The following KALRN variants were observed in gnomAD, a reference collection of about 807,000 sequenced individuals.
The protein encoded by KALRN is kalirin RhoGEF kinase.
Under a neutral mutation model 353.7 loss-of-function variants are expected in KALRN, and 70 were observed. That is an observed-to-expected ratio of 0.20 (90% CI 0.16 to 0.24). The LOEUF is 0.24. Ranked by LOEUF, KALRN falls within the 10% of genes least tolerant of loss-of-function variation. KALRN has a pLI of 1.00. For missense variants in KALRN, 2,791 were observed against 3,756.7 expected (o/e 0.74, Z 6.72); for synonymous variants, 1,391 against 1,434.8 (o/e 0.97, Z 0.69).
intron 49 of KALRN, 148 bp downstream of exon 49, chr3:124,674,762 G>T: frequency 1.2e-6 from 1 of 862,986 alleles, no homozygotes; most frequent in South Asian, 2.2e-5. Flanking sequence ...TTTGAGTGCT[G>T]ACACCATATG....
intron 1 of KALRN, among the ~76,000 whole-genome samples, chr3:124,066,678 C>T (rs1014864856): frequency 6.6e-6 from 1 of 152,174 alleles, no homozygotes; most frequent in East Asian, 1.9e-4. Flanking sequence ...TTATCTCCTG[C>T]CACAGCTTTT....
At chr3:124,363,656 C>T (rs2084313654) in intron 10 of KALRN, among the ~76,000 whole-genome samples, 1 of 152,160 alleles carries the variant, frequency 6.6e-6, no homozygotes, top group African/African-American at 2.4e-5. Context: ...TTGCCCCATC[C>T]CAGGAGTTTC....
At chr3:124,036,780 C>G (rs1272938904) in intron 1 of KALRN, among the ~76,000 whole-genome samples, 1 of 152,250 alleles carries the variant, frequency 6.6e-6, no homozygotes, top group African/African-American at 2.4e-5. Context: ...TGTCAAAATT[C>G]TGGCATACTG....
At chr3:124,664,227 A>T (rs746599293) in intron 45 of KALRN, among the ~76,000 whole-genome samples, 2 of 151,990 alleles carry the variant, frequency 1.3e-5, no homozygotes, top group South Asian at 4.1e-4. Flanking sequence ...CAGGAGTCTA[A>T]CTGTGCTTCT....
intron 33 of KALRN, among the ~76,000 whole-genome samples, chr3:124,497,077 G>T (rs917911662): frequency 2.6e-5 from 4 of 152,210 alleles, no homozygotes; most frequent in African/African-American, 9.7e-5. Flanking sequence ...GCAAAAGTTA[G>T]TAGCTCTGAT....
At chr3:124,495,955 G>GTATATATATATATA (rs1448727495) in intron 32 of KALRN, among the ~76,000 whole-genome samples, 4 of 27,460 alleles carry the variant, frequency 1.5e-4, no homozygotes, top group Non-Finnish European at 2.5e-4. Context: ...GTGTGTGTAT[G>GTATATATATATATA]TGTATGTATG....
At chr3:124,202,397 C>T (rs377259334) in intron 1 of KALRN, among the ~76,000 whole-genome samples, 42 of 152,176 alleles carry the variant, frequency 2.8e-4, no homozygotes, top group Non-Finnish European at 4.9e-4. Context: ...ACTATAGGTG[C>T]GTGCCACCAT....
intron 33 of KALRN, among the ~76,000 whole-genome samples, chr3:124,509,724 G>GA (rs34191627): frequency 6.6e-6 from 1 of 152,126 alleles, no homozygotes; most frequent in African/African-American, 2.4e-5. Context: ...AAATATGCTA[G>GA]AAAAAAGGTA....
intron 1 of KALRN, chr3:124,096,458 G>A (rs1372316879): frequency 6.6e-6 from 1 of 152,150 alleles, no homozygotes; most frequent in Non-Finnish European, 1.5e-5. Flanking sequence ...AATTAAGAAT[G>A]GTTAGAGGCT....
intron 30 of KALRN, 96 bp from the exon 31 acceptor site, chr3:124,491,227 C>A: frequency 1.4e-6 from 1 of 739,800 alleles, no homozygotes; most frequent in Non-Finnish European, 2.2e-6. Flanking sequence ...CTCCCTCGGT[C>A]CTCTCCTCTT....
chr3:124,448,325 A>G (rs1056630054), intron 21 of KALRN, among the ~76,000 whole-genome samples: 1 of 151,540 alleles, frequency 6.6e-6, no homozygotes, highest in African/African-American at 2.4e-5. Flanking sequence ...CTTTATTGCT[A>G]TTCATCTTTA....
intron 29 of KALRN, among the ~76,000 whole-genome samples, chr3:124,489,562 AC>A (rs2062919890): frequency 1.3e-5 from 2 of 152,138 alleles, no homozygotes; most frequent in East Asian, 3.9e-4. Context: ...CTGAGCAGGA[AC>A]CATCTCAATG....
intron 3 of KALRN, among the ~76,000 whole-genome samples, chr3:124,245,359 A>G (rs186268352): frequency 2.0e-5 from 3 of 152,254 alleles, no homozygotes; most frequent in African/African-American, 7.2e-5. Context: ...TTGTGTATTT[A>G]TATCACATTT....
At chr3:124,659,766 GA>G (rs1271375226) in intron 43 of KALRN, among the ~76,000 whole-genome samples, 3 of 151,708 alleles carry the variant, frequency 2.0e-5, no homozygotes, top group Admixed American at 6.6e-5. Flanking sequence ...AAAATAAGAA[GA>G]ATATGATATC....
intron 1 of KALRN, among the ~76,000 whole-genome samples, chr3:124,064,945 G>A (rs2042239796): frequency 6.6e-6 from 1 of 152,114 alleles, no homozygotes; most frequent in African/African-American, 2.4e-5. Context: ...TTGGGAGCTT[G>A]CCCTCCGTTC....
intron 3 of KALRN, among the ~76,000 whole-genome samples, chr3:124,252,705 T>C (rs1164669721): frequency 2.6e-5 from 4 of 152,224 alleles, no homozygotes; most frequent in Non-Finnish European, 4.4e-5. Context: ...AACCTCTGGA[T>C]GAATTAACGT....
At chr3:124,038,421 T>A (rs1258522299) in intron 1 of KALRN, among the ~76,000 whole-genome samples, 1 of 152,140 alleles carries the variant, frequency 6.6e-6, no homozygotes, top group Non-Finnish European at 1.5e-5. Flanking sequence ...GAATTTTTGT[T>A]TTTTGTTAGA....
intron 34 of KALRN, among the ~76,000 whole-genome samples, chr3:124,588,715 C>T (rs925212161): frequency 4.6e-5 from 7 of 152,138 alleles, no homozygotes; most frequent in Admixed American, 1.3e-4. Context: ...TGTGAGTCAC[C>T]GTGCCCAACC....
At chr3:124,676,487 C>G (rs975360921) in intron 49 of KALRN, among the ~76,000 whole-genome samples, 1 of 152,178 alleles carries the variant, frequency 6.6e-6, no homozygotes, top group African/African-American at 2.4e-5. Context: ...GAGATGGAAG[C>G]TCCCCAAACC....
Sources: gnomAD v4.1 joint callset for allele counts (sites outside exome capture counted in the v4.1 genomes callset) on GRCh38, gnomAD v4.1.1 for gene constraint, MANE v1.5 for transcripts, NCBI Gene and HGNC (gene_info 2026-07-23, HGNC 2026-07-21) for gene names.